The following SPRY3 variants were observed in gnomAD, a reference collection of about 807,000 sequenced individuals.
SPRY3 encodes the protein sprouty RTK signaling antagonist 3.
SPRY3 carries 15 observed loss-of-function variants against 20.2 expected under a neutral mutation model. The ratio of observed to expected loss-of-function variants is 0.74; its 90% CI spans 0.50 to 1.14. The LOEUF is 1.14. SPRY3 is among the 50% of genes most tolerant of loss of function. The pLI, the probability that SPRY3 is intolerant of heterozygous loss-of-function variation, is 0.00. For missense variants in SPRY3, 364 were observed against 363.9 expected (o/e 1.00, Z 0.00); for synonymous variants, 143 against 136.5 (o/e 1.05, Z -0.33).
At chrX:155,616,111 T>TCTCTCTCTCTCTCTCTCTCTC (rs2067851198) in intron 1 of SPRY3, among the ~76,000 whole-genome samples, 1 of 50,656 alleles carries the variant, frequency 2.0e-5, no homozygotes, top group Non-Finnish European at 5.3e-5. Flanking sequence ...TCTCTCTCTC[T>TCTCTCTCTCTCTCTCTCTCTC]CTCTCTCTCT....
intron 1 of SPRY3, among the ~76,000 whole-genome samples, chrX:155,634,430 A>G (rs1451169233): frequency 8.9e-6 from 1 of 111,786 alleles, no homozygotes; most frequent in Non-Finnish European, 1.9e-5. Context: ...ATTCTTAATA[A>G]GAAACTCAAT....
At chrX:155,766,929 A>T (rs982610106) in intron 2 of SPRY3, among the ~76,000 whole-genome samples, 1 of 152,142 alleles carries the variant, frequency 6.6e-6, no homozygotes, top group Non-Finnish European at 1.5e-5. Context: ...GGTGGGAGGA[A>T]CCCTTAAACA....
intron 2 of SPRY3, among the ~76,000 whole-genome samples, chrX:155,747,990 T>A (rs1037517442): frequency 1.1e-4 from 17 of 151,958 alleles, no homozygotes; most frequent in Admixed American, 5.3e-4. Flanking sequence ...ACGATTTATA[T>A]ACTTATTATA....
chrX:155,774,252 TGCTCTGAAGGGAGAA>T, exon 4 of SPRY3: 1 of 1,614,002 alleles, frequency 6.2e-7, no homozygotes, highest in Non-Finnish European at 8.5e-7. Context: ...AGGCTGATGG[TGCTCTGAAGGGAGAA>T]GCTGAGCAAT....
chrX:155,649,892 C>T (rs1437214771), intron 1 of SPRY3, among the ~76,000 whole-genome samples: 1 of 111,899 alleles, frequency 8.9e-6, no homozygotes, highest in Non-Finnish European at 1.9e-5. Flanking sequence ...CCCAAAAACT[C>T]CTTAAGCTGA....
At chrX:155,776,682 C>T (rs184016942) in exon 4 of SPRY3, 1 of 167,070 alleles carries the variant, frequency 6.0e-6, no homozygotes, top group Non-Finnish European at 1.5e-5. Context: ...TAGATCATCT[C>T]TTCTAGAGTG....
intron 2 of SPRY3, among the ~76,000 whole-genome samples, chrX:155,756,614 G>C (rs2091284308): frequency 6.6e-6 from 1 of 152,048 alleles, no homozygotes; most frequent in African/African-American, 2.4e-5. Flanking sequence ...GATACATTAG[G>C]AAAAGACAGA....
chrX:155,738,775 G>A (rs1215705649), intron 2 of SPRY3, among the ~76,000 whole-genome samples: 3 of 152,210 alleles, frequency 2.0e-5, no homozygotes, highest in Non-Finnish European at 4.4e-5. Flanking sequence ...GCACAGGGCT[G>A]TATAGAGTCT....
intron 2 of SPRY3, 25 bp from the exon 2 acceptor site, chrX:155,767,937 T>TTG (rs971346050): frequency 6.5e-6 from 1 of 154,026 alleles, no homozygotes; most frequent in African/African-American, 2.4e-5. Context: ...TTGTTTTGTT[T>TTG]TGTGTTTTCT....
exon 2 of SPRY3, chrX:155,782,215 G>C (rs1248501726): frequency 6.0e-6 from 1 of 166,952 alleles, no homozygotes; most frequent in Non-Finnish European, 1.5e-5. Flanking sequence ...GGAGGAAAGG[G>C]GCTTTCTGAC....
downstream of SPRY3, chrX:155,779,061 AACT>A (rs1336396514): frequency 1.2e-5 from 2 of 167,122 alleles, no homozygotes; most frequent in African/African-American, 2.4e-5. Context: ...GACCATATAA[AACT>A]ACTACATCTC....
At chrX:155,672,606 C>T (rs1557354857) in intron 2 of SPRY3, among the ~76,000 whole-genome samples, 1 of 109,194 alleles carries the variant, frequency 9.2e-6, no homozygotes, top group East Asian at 2.9e-4. Context: ...AACACTTTTA[C>T]ACTGTTGGTG....
chrX:155,765,867 G>C (rs2091324839), intron 2 of SPRY3, among the ~76,000 whole-genome samples: 2 of 152,214 alleles, frequency 1.3e-5, no homozygotes, highest in Admixed American at 1.3e-4. Context: ...TTCATGGGGT[G>C]CTTGCTATAT....
chrX:155,666,667 T>C (rs1236518945), intron 2 of SPRY3, among the ~76,000 whole-genome samples: 1 of 111,509 alleles, frequency 9.0e-6, no homozygotes, highest in Non-Finnish European at 1.9e-5. Context: ...TAAAATATAT[T>C]TGTGTTGAAC....
intron 1 of SPRY3, among the ~76,000 whole-genome samples, chrX:155,630,385 C>T (rs934224459): frequency 6.3e-5 from 7 of 111,665 alleles, no homozygotes; most frequent in African/African-American, 2.3e-4. Context: ...GAATAATTCC[C>T]GTTAACATTT....
intron 2 of SPRY3, among the ~76,000 whole-genome samples, chrX:155,728,963 GA>G (rs2091116641): frequency 6.6e-6 from 1 of 152,070 alleles, no homozygotes; most frequent in African/African-American, 2.4e-5. Flanking sequence ...ATAGCTATTA[GA>G]AGGGACAAAG....
At chrX:155,774,356 G>A (rs754497360) in exon 4 of SPRY3, 23 of 1,613,888 alleles carry the variant, frequency 1.4e-5, no homozygotes, top group African/African-American at 5.3e-5. Flanking sequence ...ACAGCAGCTC[G>A]CCCTCTCCCC....
chrX:155,780,979 A>G (rs2091459648), downstream of SPRY3: 1 of 137,664 alleles, frequency 7.3e-6, no homozygotes, highest in Non-Finnish European at 1.6e-5. Context: ...CTTTAACTCT[A>G]TTTTGTCCTT....
chrX:155,714,003 A>G (rs1241983961), intron 2 of SPRY3, among the ~76,000 whole-genome samples: 1 of 152,168 alleles, frequency 6.6e-6, no homozygotes, highest in African/African-American at 2.4e-5. Flanking sequence ...ATTCTTCAGC[A>G]TGTCAGTTGC....
Sources: gnomAD v4.1 joint callset for allele counts (sites outside exome capture counted in the v4.1 genomes callset) on GRCh38, gnomAD v4.1.1 for gene constraint, MANE v1.5 for transcripts, NCBI Gene and HGNC (gene_info 2026-07-23, HGNC 2026-07-21) for gene names.